The following ZAN variants were observed in gnomAD, a reference collection of about 807,000 sequenced individuals.
ZAN encodes the protein zonadhesin (gene/pseudogene).
In ZAN, 260 loss-of-function variants were observed where a neutral mutation model predicts 286.2. The ratio of observed to expected loss-of-function variants is 0.91; its 90% CI spans 0.82 to 1.01. ZAN has a LOEUF of 1.01. ZAN is among the 50% of genes least tolerant of loss of function. The probability of loss-of-function intolerance (pLI) is 0.00; values close to 1 mark genes in which losing one functional copy is unlikely to be tolerated. For synonymous variants in ZAN, 1,368 were observed against 1,417.5 expected, an observed-to-expected ratio of 0.97 and a Z score of 0.79; for missense variants, 3,410 against 3,639.2, an observed-to-expected ratio of 0.94 and a Z score of 1.62.
Position 100,755,240 on chromosome 7 carries a change from A to G in ZAN, c.3139A>G (p.Asn1047Asp). The G allele has an allele frequency of 1.2e-6, 2 of 1,612,650 alleles. No individual in the cohort carries two copies. Among genetic ancestry groups the G allele is most frequent in the Middle Eastern group, 1.7e-4 (1 of 6,060 alleles). ...SRSSTERCPP[N>D]ARYESCACPA... ...TTTCCCCTTAGAGCGCTGCCCTCCA[A>G]ATGCCCGCTACGAATCCTGTGCTTG... Residue 1047 changes from asparagine to aspartate, a missense_variant, in exon 15 of 48, where the codon AAT becomes GAT. This residue lies in a region of ZAN where 1,042 missense variants were observed against 1,058.0 expected (regional missense o/e 0.98). Coordinates refer to ENST00000613979, the MANE Select transcript of ZAN (RefSeq NM_003386.3).
chr7:100,754,296 A>C (rs1808994018), intron 14 of ZAN, among the ~76,000 whole-genome samples: 1 of 151,704 alleles, frequency 6.6e-6, no homozygotes, highest in African/African-American at 2.4e-5. Context: ...GTCTCTACTG[A>C]AAATACAAAA....
intron 20 of ZAN, 22 bp downstream of exon 20, chr7:100,762,380 C>T (rs370833982): frequency 8.3e-5 from 132 of 1,583,482 alleles, no homozygotes; most frequent in South Asian, 3.3e-4. Flanking sequence ...GCCCTCCCAC[C>T]GGGGCCCTGG....
chr7:100,791,848 C>T (rs1269387531), intron 40 of ZAN, 118 bp from the exon 41 acceptor site: 2 of 1,267,322 alleles, frequency 1.6e-6, no homozygotes, highest in East Asian at 5.2e-5. Flanking sequence ...CTGCCTCAGC[C>T]TCCCGGGTAG....
chr7:100,769,474 T>TCTTTC (rs772098638), intron 27 of ZAN, among the ~76,000 whole-genome samples: 2 of 151,990 alleles, frequency 1.3e-5, no homozygotes, highest in African/African-American at 4.8e-5. Context: ...TCTTTTCTTT[T>TCTTTC]CTTTCCTTTC....
At chr7:100,782,947 C>T (rs1202826289) in intron 35 of ZAN, among the ~76,000 whole-genome samples, 1 of 152,160 alleles carries the variant, frequency 6.6e-6, no homozygotes, top group Non-Finnish European at 1.5e-5. Context: ...GTAGCAGTAA[C>T]ACAAAGTCGT....
chr7:100,750,830 G>C lies in ZAN; in HGVS notation c.1455G>C (p.Gly485=). The change falls in exon 12 of 48, where the codon GGG becomes GGC. Residue 485 remains glycine (G), a synonymous_variant. Coordinates refer to ENST00000613979, the MANE Select transcript of ZAN (RefSeq NM_003386.3). ...CGATTCCTCTCTGGAAACGCGTGGG[G>C]TCTCAGCGCCCTTACTGGCAGAACA... ...SPPIPLWKRV[G]SQRPYWQNTS... 1 of 1,598,870 alleles carries C rather than the reference G, an allele frequency of 6.3e-7. No homozygotes were observed. The highest frequency in any genetic ancestry group is 8.5e-7 in the Non-Finnish European group (1 of 1,171,114).
In ZAN at chr7:100,760,546, T is replaced by C. The variant is rs1426097529; in HGVS notation, c.3842+10T>C. 3 of 1,611,058 alleles carry C rather than the reference T, an allele frequency of 1.9e-6. No homozygotes were observed. Among genetic ancestry groups the C allele is most frequent in the East Asian group, 4.5e-5 (2 of 44,766 alleles). On this transcript the variant is annotated intron_variant, in intron 19 of 47. Transcript: ENST00000613979. Reference sequence around the variant, plus strand: ...ATGTTACTGTGTCCAGGTAAGGCAGTGTCCCAGCCAGGCAGCTGCCACTTC... The same window carrying C: ...ATGTTACTGTGTCCAGGTAAGGCAGCGTCCCAGCCAGGCAGCTGCCACTTC...
intron 42 of ZAN, 31 bp from the exon 43 acceptor site, chr7:100,793,789 A>T (rs762428004): frequency 6.4e-7 from 1 of 1,554,046 alleles, no homozygotes; most frequent in East Asian, 2.3e-5. Context: ...GCCCAGCCCC[A>T]GCCAGTTTCT....
At chr7:100,761,674 C>T (rs1221600235) in intron 19 of ZAN, among the ~76,000 whole-genome samples, 1 of 151,654 alleles carries the variant, frequency 6.6e-6, no homozygotes, top group East Asian at 1.9e-4. Flanking sequence ...TGGCCAGGCA[C>T]GGTGGCTGAC....
chr7:100,796,195 A>G (rs1812351803), intron 45 of ZAN, among the ~76,000 whole-genome samples: 1 of 152,006 alleles, frequency 6.6e-6, no homozygotes, highest in African/African-American at 2.4e-5. Context: ...TGTGACCTGT[A>G]TCTCTCACCC....
chr7:100,736,792 G>C lies in ZAN; in HGVS notation c.254-17G>C. The stretch of plus-strand genomic sequence containing the variant: ...GAGGTGGCTGGGCCTCAGTGTCTTG[G>C]GCTCTGCCTCCCCCAGAGGGCAGCT... On this transcript the variant is annotated splice_polypyrimidine_tract_variant and intron_variant, in intron 4 of 47. Coordinates refer to ENST00000613979, the MANE Select transcript of ZAN (RefSeq NM_003386.3). 6.8e-7 allele frequency: 1 copy of C among 1,464,930 alleles called. No individual in the cohort carries two copies. The highest frequency in any genetic ancestry group is 9.3e-7 in the Non-Finnish European group (1 of 1,079,014). The allele number at this position is 1,464,930 out of a possible 1,614,324, so 90.7% of individuals were successfully genotyped here. A position where few individuals can be genotyped will look rare whatever the true frequency, so the allele number is the denominator to read the frequency against.
Position 100,764,009 on chromosome 7 carries a change from C to T in ZAN, c.4098-18C>T, listed in dbSNP as rs1232384319. On this transcript the variant is annotated intron_variant, in intron 21 of 47. Coordinates refer to ENST00000613979, the MANE Select transcript of ZAN (RefSeq NM_003386.3). ...CCCCCTTCCACTGCATTCCCCCTGA[C>T]TTGGTCACTCCCCTCAGGACATGCC... is the stretch of plus-strand genomic sequence containing the variant. 10 of 1,613,768 alleles carry T rather than the reference C, an allele frequency of 6.2e-6. No individual in the cohort carries two copies. Among genetic ancestry groups the T allele is most frequent in the Non-Finnish European group, 8.5e-6 (10 of 1,179,824 alleles).
At chr7:100,796,941 A>C (rs1812401402) in intron 45 of ZAN, among the ~76,000 whole-genome samples, 1 of 152,100 alleles carries the variant, frequency 6.6e-6, no homozygotes, top group Non-Finnish European at 1.5e-5. Flanking sequence ...GTTCAAGACC[A>C]GCCTGGTAAC....
At chr7:100,742,771 A>C (rs1313029318) in intron 7 of ZAN, among the ~76,000 whole-genome samples, 1 of 56,130 alleles carries the variant, frequency 1.8e-5, no homozygotes, top group Non-Finnish European at 3.9e-5. Context: ...CAGGAGAATC[A>C]GGCAGGGAGG....
chr7:100,738,896 C>T (rs1324954054), intron 7 of ZAN, among the ~76,000 whole-genome samples: 2 of 3,124 alleles, frequency 6.4e-4, no homozygotes, highest in Non-Finnish European at 1.7e-3. Flanking sequence ...TCTCCCTCTC[C>T]CTCTCCCTCT....
At position 100,763,237 on chromosome 7, in the gene ZAN, G is replaced by A. The variant is rs1413909357; in HGVS notation, c.3987-569G>A. ...GCCCTGGCCTCCCAAAATGCAAAAT[G>A]CCGGGATTACAGGCATCACCACCAC... On this transcript the variant is annotated intron_variant, in intron 20 of 47. Transcript: ENST00000613979. This position sits in a 1 kb window ranked among gnomAD's most constrained non-coding sequence, Gnocchi z 4.6. 6.6e-6 allele frequency among the ~76,000 whole-genome samples: 1 copy of A among 152,182 alleles called. No homozygotes were observed. The highest frequency in any genetic ancestry group is 2.1e-4 in the South Asian group (1 of 4,820).
intron 15 of ZAN, among the ~76,000 whole-genome samples, chr7:100,757,325 C>T (rs1198752800): frequency 6.6e-6 from 1 of 152,166 alleles, no homozygotes. Flanking sequence ...GCACTGGGGT[C>T]GCCACGAATA....
intron 7 of ZAN, among the ~76,000 whole-genome samples, chr7:100,745,890 A>C (rs1808184699): frequency 1.3e-5 from 2 of 151,774 alleles, no homozygotes; most frequent in South Asian, 4.2e-4. Flanking sequence ...GAAAAAGGAA[A>C]AAAGAAAAGG....
Position 100,790,968 on chromosome 7 carries a change from G to A in ZAN, c.7384G>A (p.Gly2462Arg). 6.2e-7 allele frequency: 1 copy of A among 1,612,636 alleles called. No individual in the cohort carries two copies. Among genetic ancestry groups the A allele is most frequent in the South Asian group, 1.1e-5 (1 of 90,702 alleles). ...AVISLPSMYE[G>R]LVSGLCGNYD... is the part of the protein sequence containing the mutation. ...GATCTCCCTACCCAGCATGTACGAG[G>A]GGCTTGTGAGTGGCCTGTGCGGAAA... is the stretch of plus-strand genomic sequence containing the variant. The change falls in exon 40 of 48, where the codon GGG (glycine) becomes AGG (arginine). Residue 2462 changes from glycine to arginine, a missense_variant. Around this residue, in one of 7 missense-constraint regions of ZAN, gnomAD observed 1,289 missense variants for 1,314.3 expected, o/e 0.98. Coordinates refer to ENST00000613979, the MANE Select transcript of ZAN (RefSeq NM_003386.3).
Sources: gnomAD v4.1 joint callset for allele counts (sites outside exome capture counted in the v4.1 genomes callset) on GRCh38, gnomAD v4.1.1 for gene constraint, gnomAD v4.1.1 regional missense constraint, Gnocchi (gnomAD v3.1) non-coding constraint, MANE v1.5 for transcripts, NCBI Gene and HGNC (gene_info 2026-07-23, HGNC 2026-07-21) for gene names.